The following KIRREL1 variants were observed in gnomAD, a reference collection of about 807,000 sequenced individuals.
KIRREL1 encodes kin of IRRE-like protein 1.
A neutral mutation model predicts 83.3 loss-of-function variants in KIRREL1; 25 were observed. The ratio of observed to expected loss-of-function variants is 0.30; its 90% CI spans 0.22 to 0.42. The LOEUF (loss-of-function observed/expected upper bound fraction) is 0.42. KIRREL1 is among the 10% of genes least tolerant of loss of function. The pLI is 1.00. For synonymous variants in KIRREL1, 388 were observed against 410.4 expected (o/e 0.95, Z 0.66); for missense variants, 812 against 1,032.3 (o/e 0.79, Z 2.92).
chr1:158,028,367 C>T (rs1660230299), intron 1 of KIRREL1, among the ~76,000 whole-genome samples: 1 of 152,202 alleles, frequency 6.6e-6, no homozygotes, highest in African/African-American at 2.4e-5. Flanking sequence ...TGATGTGTCC[C>T]ATCCAGAATG....
intron 1 of KIRREL1, among the ~76,000 whole-genome samples, chr1:158,054,166 T>G (rs375888007): frequency 1.4e-4 from 19 of 131,560 alleles, no homozygotes; most frequent in African/African-American, 5.6e-4. Context: ...TGAGCTGAGA[T>G]CGTGTCACTG....
chr1:158,053,081 C>T (rs1000665094), intron 1 of KIRREL1, among the ~76,000 whole-genome samples: 1 of 152,176 alleles, frequency 6.6e-6, no homozygotes, highest in African/African-American at 2.4e-5. Context: ...AGGCCTACCT[C>T]CAACAATGGG....
At chr1:158,074,440 G>T (rs558960599) in intron 1 of KIRREL1, among the ~76,000 whole-genome samples, 4 of 152,342 alleles carry the variant, frequency 2.6e-5, no homozygotes, top group African/African-American at 9.6e-5. Context: ...AGGAGATTCA[G>T]ATGGGGGAGA....
intron 1 of KIRREL1, among the ~76,000 whole-genome samples, chr1:158,026,287 C>T (rs982678989): frequency 7.9e-5 from 12 of 152,130 alleles, no homozygotes; most frequent in Non-Finnish European, 1.5e-4. Flanking sequence ...AGCCTCTGGC[C>T]GGTGTGGCTT....
chr1:158,023,853 G>T (rs773466124), intron 1 of KIRREL1, among the ~76,000 whole-genome samples: 16 of 152,226 alleles, frequency 1.1e-4, no homozygotes, highest in Admixed American at 3.3e-4. Context: ...ATTGTGCTGC[G>T]AAAGGTGTCC....
intron 1 of KIRREL1, among the ~76,000 whole-genome samples, chr1:158,020,704 T>C (rs938068450): frequency 6.7e-6 from 1 of 149,172 alleles, no homozygotes; most frequent in Non-Finnish European, 1.5e-5. Flanking sequence ...ACTCAAAGTC[T>C]AGTTTCTCTT....
intron 3 of KIRREL1, among the ~76,000 whole-genome samples, chr1:158,080,050 A>G (rs1309595779): frequency 6.6e-6 from 1 of 152,220 alleles, no homozygotes; most frequent in Non-Finnish European, 1.5e-5. Context: ...GACAGCAAAA[A>G]TTAGACGGTG....
At chr1:158,074,263 C>T (rs1465023962) in intron 1 of KIRREL1, among the ~76,000 whole-genome samples, 1 of 152,130 alleles carries the variant, frequency 6.6e-6, no homozygotes, top group African/African-American at 2.4e-5. Context: ...TTTCTAACTT[C>T]CTGGCCCCTG....
intron 1 of KIRREL1, among the ~76,000 whole-genome samples, chr1:158,016,674 C>A (rs1232266479): frequency 6.6e-6 from 1 of 152,168 alleles, no homozygotes; most frequent in Non-Finnish European, 1.5e-5. Context: ...GACTGACAAC[C>A]GAAACCTTCT....
rs181311306 is a variant in KIRREL1 at position 158,038,538 on chromosome 1, G to A, written c.53-37575G>A. 1.5e-3 allele frequency among the ~76,000 whole-genome samples: 214 copies of A among 139,994 alleles called. 1 individual carries two copies. The highest frequency in any genetic ancestry group is 2.6e-3 in the Non-Finnish European group (174 of 66,342). The allele number at this position is 139,994 out of a possible 152,430, so 91.8% of individuals were successfully genotyped here. A position where few individuals can be genotyped will look rare whatever the true frequency, so the allele number is the denominator to read the frequency against. ...GGCAGGGTCTCTTTATGTTGTCTGG[G>A]CTGGTCTTAAACTCCTGGCCTCAAG... On this transcript the variant is annotated intron_variant, in intron 1 of 14. Coordinates refer to ENST00000359209, the MANE Select transcript of KIRREL1 (RefSeq NM_018240.7).
chr1:158,068,511 C>G (rs570829964), intron 1 of KIRREL1, among the ~76,000 whole-genome samples: 1 of 152,226 alleles, frequency 6.6e-6, no homozygotes, highest in Non-Finnish European at 1.5e-5. Flanking sequence ...TGGGCAGGCA[C>G]AGAGCTTTAC....
intron 1 of KIRREL1, among the ~76,000 whole-genome samples, chr1:158,003,729 G>A (rs7542962): frequency 6.6e-6 from 1 of 151,944 alleles, no homozygotes; most frequent in African/African-American, 2.4e-5. Context: ...GGCAGTGGGC[G>A]AAGTGAGAAT....
rs1662447547 is a variant in KIRREL1 at position 158,099,867 on chromosome 1, AC to A, written c.*4748del. 3 of 152,146 alleles carry A rather than the reference AC, an allele frequency of 2.0e-5. No homozygotes were observed. Among genetic ancestry groups the A allele is most frequent in the Admixed American group, 2.0e-4 (3 of 15,278 alleles). The allele number at this position is 152,146 out of a possible 1,614,324, so 9.4% of individuals were successfully genotyped here. On this transcript the variant is annotated 3_prime_UTR_variant, in exon 15 of 15. Coordinates refer to ENST00000359209, the MANE Select transcript of KIRREL1 (RefSeq NM_018240.7). ...AAATCCCAATACAGTAAAACTCCACACAATCTTGTTAGCAACAGTGACCCAG... is the reference window on the plus strand; with the variant it reads ...AAATCCCAATACAGTAAAACTCCACAAATCTTGTTAGCAACAGTGACCCAG...
At chr1:158,052,646 CG>C (rs1377505649) in intron 1 of KIRREL1, among the ~76,000 whole-genome samples, 1 of 151,168 alleles carries the variant, frequency 6.6e-6, no homozygotes, top group Non-Finnish European at 1.5e-5. Context: ...AATAGCCGGG[CG>C]TGGTGGCGGG....
At chr1:158,058,245 C>G (rs916138188) in intron 1 of KIRREL1, among the ~76,000 whole-genome samples, 7 of 152,202 alleles carry the variant, frequency 4.6e-5, no homozygotes, top group Admixed American at 6.5e-5. Flanking sequence ...GAGGAAGACA[C>G]TTCCTTCCTG....
chr1:158,093,894 C>G (rs1392546185), intron 13 of KIRREL1, 132 bp downstream of exon 13: 1 of 926,604 alleles, frequency 1.1e-6, no homozygotes, highest in African/African-American at 1.6e-5. Flanking sequence ...CACACACACT[C>G]TCCCACACTC....
intron 1 of KIRREL1, among the ~76,000 whole-genome samples, chr1:158,063,778 G>A (rs973970980): frequency 3.3e-5 from 5 of 152,092 alleles, no homozygotes; most frequent in East Asian, 3.9e-4. Flanking sequence ...CTCATCCCTC[G>A]GATCTTGTCA....
chr1:158,084,397 G>C (rs1480283777), intron 3 of KIRREL1, 25 bp from the exon 4 acceptor site: 1 of 1,542,328 alleles, frequency 6.5e-7, no homozygotes, highest in Non-Finnish European at 8.8e-7. Flanking sequence ...ACCCTGCACT[G>C]ACTTTGCTCT....
intron 1 of KIRREL1, among the ~76,000 whole-genome samples, chr1:158,010,127 G>C (rs1659631423): frequency 6.6e-6 from 1 of 152,044 alleles, no homozygotes; most frequent in African/African-American, 2.4e-5. Context: ...TCATGAAAAG[G>C]ACTGGCTCTT....
Sources: gnomAD v4.1 joint callset for allele counts (sites outside exome capture counted in the v4.1 genomes callset) on GRCh38, gnomAD v4.1.1 for gene constraint, MANE v1.5 for transcripts, NCBI Gene and HGNC (gene_info 2026-07-23, HGNC 2026-07-21) for gene names.